Variants in SLC9A3 observed in about 807,000 individuals in gnomAD.
The protein encoded by SLC9A3 is sodium/hydrogen exchanger 3.
In SLC9A3, 37 loss-of-function variants were observed where a neutral mutation model predicts 86.8. The ratio of observed to expected loss-of-function variants is 0.43; its 90% confidence interval spans 0.33 to 0.56. The LOEUF (loss-of-function observed/expected upper bound fraction) is 0.56, where lower values mean the gene tolerates loss of function less well. Among genes scored for constraint, SLC9A3 ranks in the 20% least tolerant of loss-of-function variants. The pLI is 0.06. For synonymous variants in SLC9A3, 581 were observed against 528.3 expected, an observed-to-expected ratio of 1.10 and a Z score of -1.37; for missense variants, 1,011 against 1,171.9, an observed-to-expected ratio of 0.86 and a Z score of 2.00.
chr5:488,505 CTG>C, intron 2 of SLC9A3, 29 bp from the exon 3 acceptor site: 1 of 1,505,240 alleles, frequency 6.6e-7, no homozygotes, highest in Non-Finnish European at 8.9e-7. Context: ...CGCGGGGCAG[CTG>C]CAGGGCCTGC....
chr5:504,364 G>GC (rs922694783), intron 1 of SLC9A3, among the ~76,000 whole-genome samples: 1 of 152,210 alleles, frequency 6.6e-6, no homozygotes, highest in Non-Finnish European at 1.5e-5. Flanking sequence ...TGAGGAAATA[G>GC]CCCCCCGGGG....
At chr5:504,999 C>T (rs909076522) in intron 1 of SLC9A3, among the ~76,000 whole-genome samples, 1 of 151,880 alleles carries the variant, frequency 6.6e-6, no homozygotes, top group African/African-American at 2.4e-5. Flanking sequence ...CCAGCAGCTG[C>T]CACCCCTCCC....
At chr5:522,038 A>G (rs563724611) in intron 1 of SLC9A3, among the ~76,000 whole-genome samples, 123 of 152,248 alleles carry the variant, frequency 8.1e-4, no homozygotes, top group African/African-American at 2.8e-3. Context: ...GACGACAGGG[A>G]GCGTAAAGGG....
Position 473,204 on chromosome 5 carries a change from A to T in SLC9A3, c.*175T>A. On this transcript the variant is annotated 3_prime_UTR_variant, in exon 17 of 17. Coordinates refer to ENST00000264938, the MANE Select transcript of SLC9A3 (RefSeq NM_004174.4). ...CGCCCTCGGGCGGCTCTGCGGGCGC[A>T]GGCGCGGCACTCTCGGAGTTCTGCG... is the stretch of plus-strand genomic sequence containing the variant. 2 of 604,696 alleles carry T rather than the reference A, an allele frequency of 3.3e-6. No individual in the cohort carries two copies. The highest frequency in any genetic ancestry group is 4.6e-6 in the Non-Finnish European group (2 of 439,232). 37.5% of individuals were successfully genotyped at this position (604,696 alleles called of 1,614,324 possible).
Position 476,616 on chromosome 5 carries a change from C to T in SLC9A3, c.1817G>A (p.Arg606Gln), listed in dbSNP as rs745750367. ...LDMQSLEQRR[R>Q]SIRDAEDMVT... is the part of the protein sequence containing the mutation. ...CATGTCCTCCGCGTCCCGGATGCTC[C>T]GCCGTCGCTGCTCCAGAGACTGCAT... Residue 606 changes from arginine (R) to glutamine (Q), a missense_variant, in exon 12 of 17, where the codon CGG becomes CAG. Physicochemically the swap from Arg to Gln is conservative, Grantham distance 43. Around this residue, in one of 3 missense-constraint regions of SLC9A3, gnomAD observed 397 missense variants for 346.3 expected, o/e 1.15. Transcript: ENST00000264938. The T allele has an allele frequency of 5.2e-5, 84 of 1,609,764 alleles. 1 individual carries two copies. The highest frequency in any genetic ancestry group is 3.8e-4 in the East Asian group (17 of 44,870).
At chr5:475,314 G>T in intron 15 of SLC9A3, 182 bp from the exon 16 acceptor site, 1 of 655,268 alleles carries the variant, frequency 1.5e-6, no homozygotes, top group Non-Finnish European at 2.6e-6. Context: ...GCCACAGGCA[G>T]CACAGGTAAC....
Position 476,046 on chromosome 5 carries a change from G to T in SLC9A3, c.2114C>A (p.Ala705Glu). ...TTTCTCCTTGATGGTGAAATTCTGC[G>T]CAGGGCTCTCCATGGGCAGCTTCCC... ...PNGKLPMESP[A>E]QNFTIKEKDL... The change falls in exon 14 of 17, where the codon GCG becomes GAG. Residue 705 changes from alanine to glutamate, a missense_variant. Ala to Glu is a moderately radical substitution (Grantham distance 107). Transcript: ENST00000264938. The T allele has an allele frequency of 1.9e-6, 3 of 1,613,042 alleles. No individual in the cohort carries two copies. Among genetic ancestry groups the T allele is most frequent in the Non-Finnish European group, 2.5e-6 (3 of 1,179,770 alleles).
rs2126596487 is a variant in SLC9A3 at position 472,423 on chromosome 5, G to A, written c.*956C>T. ...TGCTGGGCCCCACCATCCACTTAAG[G>A]ACTGGCCGTGATTCTTGGCAAGCTC... On this transcript the variant is annotated 3_prime_UTR_variant, in exon 17 of 17. Transcript: ENST00000264938. The A allele has an allele frequency of 3.0e-6, 1 of 337,518 alleles. No homozygotes were observed. The highest frequency in any genetic ancestry group is 5.8e-6 in the Non-Finnish European group (1 of 172,014). The allele number at this position is 337,518 out of a possible 1,614,324, so 20.9% of individuals were successfully genotyped here. A position where few individuals can be genotyped will look rare whatever the true frequency, so the allele number is the denominator to read the frequency against.
intron 1 of SLC9A3, among the ~76,000 whole-genome samples, chr5:501,133 C>T (rs1004947440): frequency 2.0e-5 from 3 of 152,288 alleles, no homozygotes; most frequent in African/African-American, 7.2e-5. Context: ...AACCCTGTGC[C>T]TGGAGGAGGA....
At chr5:502,009 G>A (rs1352260923) in intron 1 of SLC9A3, among the ~76,000 whole-genome samples, 2 of 152,254 alleles carry the variant, frequency 1.3e-5, no homozygotes, top group Non-Finnish European at 2.9e-5. Context: ...AAGAACAACA[G>A]CCCGTTCAGG....
rs1179731855 is a variant in SLC9A3, at chr5:491,682, G to A, written c.514+87C>T. The A allele has an allele frequency of 1.3e-5, 17 of 1,265,110 alleles. No individual in the cohort carries two copies. The Admixed American group carries it at 4.4e-4, about 33-fold the overall frequency. The allele number at this position is 1,265,110 out of a possible 1,614,324, so 78.4% of individuals were successfully genotyped here. A position where few individuals can be genotyped will look rare whatever the true frequency, so the allele number is the denominator to read the frequency against. On this transcript the variant is annotated intron_variant, in intron 2 of 16. Coordinates refer to ENST00000264938, the MANE Select transcript of SLC9A3 (RefSeq NM_004174.4). This position sits in a 1 kb window ranked among gnomAD's most constrained non-coding sequence, Gnocchi z 9.2. ...CTTACCGCCTGGAGGCCAGGGTGCG[G>A]CACCCCGACCTTTCTGAGATGAGGC... is the stretch of plus-strand genomic sequence containing the variant.
In SLC9A3 at chr5:476,549, C is replaced by T. The variant is rs1453129222; in HGVS notation, c.1884G>A (p.Arg628=). 1 of 1,610,996 alleles carries T rather than the reference C, an allele frequency of 6.2e-7. No homozygotes were observed. The stretch of plus-strand genomic sequence containing the variant: ...CCCAGCCCGCAGTGCCCACCTCCTG[C>T]CGCGGCTTGTACAGGTACTGCTGTA... ...HTLQQYLYKP[R]QEYKHLYSRH... is the part of the protein sequence containing the mutation. The change falls in exon 12 of 17, where the codon CGG becomes CGA. Residue 628 remains arginine, a synonymous_variant. Coordinates refer to ENST00000264938, the MANE Select transcript of SLC9A3 (RefSeq NM_004174.4).
intron 1 of SLC9A3, among the ~76,000 whole-genome samples, chr5:521,035 C>A (rs1408245768): frequency 1.3e-5 from 2 of 152,258 alleles, no homozygotes; most frequent in Non-Finnish European, 2.9e-5. Flanking sequence ...CCCCCTCACC[C>A]TGCCTGAGGC....
At position 475,008 on chromosome 5, in the gene SLC9A3, G is replaced by A; in HGVS notation, c.2376C>T (p.Pro792=). 4.3e-6 allele frequency: 7 copies of A among 1,612,316 alleles called. No homozygotes were observed. The highest frequency in any genetic ancestry group is 5.9e-6 in the Non-Finnish European group (7 of 1,179,754). The change falls in exon 16 of 17, where the codon CCC becomes CCT. Residue 792 remains proline, a synonymous_variant. Transcript: ENST00000264938. ...VPSQRARTQI[P]YSPGTFCRLM... is the part of the protein sequence containing the mutation. ...GGCGGCAGAAGGTGCCGGGAGAGTA[G>A]GGAATCTGCGTGCGGGCCCTCTGCG...
Position 477,412 on chromosome 5 carries a change from G to C in SLC9A3, c.1680C>G (p.Arg560=). 6.2e-7 allele frequency: 1 copy of C among 1,613,030 alleles called. No homozygotes were observed. Among genetic ancestry groups the C allele is most frequent in the African/African-American group, 1.3e-5 (1 of 75,056 alleles). Residue 560 remains arginine, a synonymous_variant, in exon 11 of 17, where the codon CGC becomes CGG. Transcript: ENST00000264938. ...TGACCACGTTGTCGGTGCTGGGGGA[G>C]CGGATGAAGGCCAGGGACCCGCGGC... ...GERRGSLAFI[R]SPSTDNVVNV...
At chr5:504,238 GA>G (rs36019395) in intron 1 of SLC9A3, among the ~76,000 whole-genome samples, 134,844 of 152,094 alleles carry the variant, frequency 0.89, 60,073 homozygotes, top group African/African-American at 0.92. Flanking sequence ...GCCAGCTCCG[GA>G]ACCCCCGGGA....
In SLC9A3 at chr5:476,327, G is replaced by C; in HGVS notation, c.1942C>G (p.Gln648Glu). 2 of 1,613,936 alleles carry C rather than the reference G, an allele frequency of 1.2e-6. No individual in the cohort carries two copies. The highest frequency in any genetic ancestry group is 1.7e-6 in the Non-Finnish European group (2 of 1,180,012). The change falls in exon 13 of 17, where the codon CAG becomes GAG. Residue 648 changes from glutamine to glutamate, a missense_variant. Around this residue, in one of 3 missense-constraint regions of SLC9A3, gnomAD observed 397 missense variants for 346.3 expected, o/e 1.15. Coordinates refer to ENST00000264938, the MANE Select transcript of SLC9A3 (RefSeq NM_004174.4). ...HELTPTEDEK[Q>E]DREIFHRTMR... ...GTCCTGTGGAAGATTTCCCGGTCCT[G>C]TTTCTCGTCCTCCGTGGGCGTGAGC...
intron 9 of SLC9A3, among the ~76,000 whole-genome samples, chr5:481,177 C>G (rs1380769550): frequency 6.6e-6 from 1 of 152,236 alleles, no homozygotes; most frequent in East Asian, 1.9e-4. Flanking sequence ...GGCTTGAGCC[C>G]TGCCAGACAA....
chr5:478,276 G>A (rs1268344625), intron 10 of SLC9A3: 1 of 152,292 alleles, frequency 6.6e-6, no homozygotes, highest in Non-Finnish European at 1.5e-5. Flanking sequence ...TCTTCTGTAT[G>A]ACCTTTGTCC....
Sources: gnomAD v4.1 joint callset for allele counts (sites outside exome capture counted in the v4.1 genomes callset) on GRCh38, gnomAD v4.1.1 for gene constraint, gnomAD v4.1.1 regional missense constraint, Gnocchi (gnomAD v3.1) non-coding constraint, MANE v1.5 for transcripts, NCBI Gene and HGNC (gene_info 2026-07-23, HGNC 2026-07-21) for gene names.